The following SPMIP2 variants were observed in gnomAD, a reference collection of about 807,000 sequenced individuals.
SPMIP2 encodes the protein protein SPMIP2.
the SPMIP2 span, among the ~76,000 whole-genome samples, chr4:159,005,762 T>C: frequency 1.3e-5 from 2 of 152,218 alleles, no homozygotes; most frequent in African/African-American, 4.8e-5. Context: ...AAGTTATTTG[T>C]ACCTGTTTTA....
chr4:158,927,818 C>T, the SPMIP2 span, among the ~76,000 whole-genome samples: 6 of 152,334 alleles, frequency 3.9e-5, no homozygotes, highest in African/African-American at 1.4e-4. Flanking sequence ...CCCTGCTGGC[C>T]CCGGGCAATG....
At chr4:158,939,130 T>C in the SPMIP2 span, among the ~76,000 whole-genome samples, 4 of 152,220 alleles carry the variant, frequency 2.6e-5, no homozygotes, top group African/African-American at 7.2e-5. Context: ...ACAGTGTTTC[T>C]GTGAGCTGAT....
At chr4:158,979,089 G>A in the SPMIP2 span, among the ~76,000 whole-genome samples, 1 of 152,204 alleles carries the variant, frequency 6.6e-6, no homozygotes, top group Non-Finnish European at 1.5e-5. Flanking sequence ...AATCTAGAGA[G>A]GCAGTCTGGC....
At chr4:159,032,192 A>G in the SPMIP2 span, among the ~76,000 whole-genome samples, 1 of 152,184 alleles carries the variant, frequency 6.6e-6, no homozygotes, top group Non-Finnish European at 1.5e-5. Flanking sequence ...ACTGCACTCC[A>G]GCCTGAGCAA....
the SPMIP2 span, among the ~76,000 whole-genome samples, chr4:159,020,045 G>A: frequency 6.6e-6 from 1 of 151,884 alleles, no homozygotes; most frequent in Non-Finnish European, 1.5e-5. Flanking sequence ...GCTTGAACCT[G>A]GGAGTCGGAG....
chr4:158,932,237 G>A, the SPMIP2 span, among the ~76,000 whole-genome samples: 10 of 152,108 alleles, frequency 6.6e-5, no homozygotes, highest in Admixed American at 2.6e-4. Context: ...TGTCAAAGCC[G>A]GGTGGATCAC....
the SPMIP2 span, chr4:159,035,289 C>T: frequency 2.2e-5 from 12 of 543,432 alleles, no homozygotes; most frequent in Middle Eastern, 7.2e-4. Context: ...TTCCAATCTC[C>T]AAGAGCAGAG....
At chr4:158,971,055 AC>A in the SPMIP2 span, among the ~76,000 whole-genome samples, 1 of 152,228 alleles carries the variant, frequency 6.6e-6, no homozygotes, top group East Asian at 1.9e-4. Flanking sequence ...AGGCTAACTC[AC>A]AGCTATCATC....
At chr4:158,946,962 G>T in the SPMIP2 span, among the ~76,000 whole-genome samples, 1 of 152,134 alleles carries the variant, frequency 6.6e-6, no homozygotes, top group Non-Finnish European at 1.5e-5. Context: ...GGCTACAGGG[G>T]TAACAACTAC....
the SPMIP2 span, among the ~76,000 whole-genome samples, chr4:159,075,788 TC>T: frequency 7.6e-6 from 1 of 132,132 alleles, no homozygotes; most frequent in Admixed American, 7.7e-5. Context: ...ATTTGACTCA[TC>T]TTTTTTTTTT....
At chr4:159,022,459 T>G in the SPMIP2 span, among the ~76,000 whole-genome samples, 1 of 149,330 alleles carries the variant, frequency 6.7e-6, no homozygotes, top group Admixed American at 6.6e-5. Context: ...GGAGCACATG[T>G]GAGCTTCAAG....
At chr4:158,989,670 C>T in the SPMIP2 span, among the ~76,000 whole-genome samples, 48,696 of 152,006 alleles carry the variant, frequency 0.32, 7,923 homozygotes, top group South Asian at 0.36. Context: ...GGAAAACTGG[C>T]TAGCCATATG....
the SPMIP2 span, among the ~76,000 whole-genome samples, chr4:159,062,205 C>A: frequency 8.5e-5 from 13 of 152,188 alleles, no homozygotes; most frequent in South Asian, 2.1e-4. Context: ...AGACTATTTT[C>A]ATTATTTTTG....
the SPMIP2 span, among the ~76,000 whole-genome samples, chr4:158,917,019 G>T: frequency 6.6e-6 from 1 of 152,270 alleles, no homozygotes; most frequent in East Asian, 1.9e-4. Flanking sequence ...GGGAAGCTCA[G>T]GCAGGCAGAA....
the SPMIP2 span, chr4:159,034,897 A>C: frequency 8.7e-6 from 6 of 691,346 alleles, no homozygotes; most frequent in Non-Finnish European, 1.4e-5. Flanking sequence ...TCTCAAAAAA[A>C]AAAACCCAAA....
At chr4:159,075,260 G>A in the SPMIP2 span, among the ~76,000 whole-genome samples, 1 of 152,212 alleles carries the variant, frequency 6.6e-6, no homozygotes, top group Middle Eastern at 3.4e-3. Flanking sequence ...GCATATACAT[G>A]TACATTTCAT....
chr4:159,044,161 A>T, the SPMIP2 span, among the ~76,000 whole-genome samples: 2 of 152,084 alleles, frequency 1.3e-5, no homozygotes, highest in Non-Finnish European at 2.9e-5. Context: ...TAACATTTTT[A>T]AAATGTTATT....
the SPMIP2 span, among the ~76,000 whole-genome samples, chr4:158,949,118 A>C: frequency 6.6e-6 from 1 of 152,288 alleles, no homozygotes; most frequent in Middle Eastern, 3.4e-3. Flanking sequence ...TTTCTAGACC[A>C]TACTGAATCT....
chr4:158,929,203 A>G, the SPMIP2 span, among the ~76,000 whole-genome samples: 4 of 152,182 alleles, frequency 2.6e-5, no homozygotes, highest in Non-Finnish European at 5.9e-5. Context: ...CTTTTTGTAG[A>G]GATGGGGCCT....
Sources: gnomAD v4.1 joint callset for allele counts (sites outside exome capture counted in the v4.1 genomes callset) on GRCh38, gnomAD v4.1.1 for gene constraint, MANE v1.5 for transcripts, NCBI Gene and HGNC (gene_info 2026-07-23, HGNC 2026-07-21) for gene names.